Variants in BPIFB3 observed in about 807,000 individuals in gnomAD.
BPIFB3 encodes the protein BPI fold-containing family B member 3.
BPIFB3 carries 49 observed loss-of-function variants against 53.1 expected under a neutral mutation model. The observed-to-expected ratio is 0.92, with a 90% CI of 0.73 to 1.17. The LOEUF is 1.17. BPIFB3 is among the 50% of genes most tolerant of loss of function. The pLI, the probability that BPIFB3 is intolerant of heterozygous loss-of-function variation, is 0.00. For missense variants in BPIFB3, 628 were observed against 592.5 expected, an observed-to-expected ratio of 1.06 and a Z score of -0.62; for synonymous variants, 271 against 269.6, an observed-to-expected ratio of 1.01 and a Z score of -0.05.
chr20:33,066,020 G>A (rs1053950603), intron 8 of BPIFB3, among the ~76,000 whole-genome samples: 2 of 152,230 alleles, frequency 1.3e-5, no homozygotes, highest in Admixed American at 6.5e-5. Context: ...AGGAGCATTG[G>A]GTGTTTGCAT....
intron 1 of BPIFB3, among the ~76,000 whole-genome samples, chr20:33,056,050 C>T (rs1309463248): frequency 6.6e-6 from 1 of 152,206 alleles, no homozygotes. Flanking sequence ...ACAGTCTGCA[C>T]AGAGTCAGGC....
intron 8 of BPIFB3, among the ~76,000 whole-genome samples, chr20:33,066,387 A>G (rs1212713101): frequency 1.3e-5 from 2 of 152,216 alleles, no homozygotes; most frequent in African/African-American, 4.8e-5. Flanking sequence ...GTTTTTGAAA[A>G]TACTATTTGG....
intron 14 of BPIFB3, 124 bp from the exon 16 acceptor site, chr20:33,073,452 T>C: frequency 1.1e-6 from 1 of 924,456 alleles, no homozygotes; most frequent in African/African-American, 1.7e-5. Flanking sequence ...CATTTATTCA[T>C]TTAATGAGTG....
In BPIFB3 at chr20:33,067,490, A is replaced by T. The variant is rs77876434; in HGVS notation, c.978+613A>T. Among the ~76,000 whole-genome samples, 1,244 of 152,296 alleles carry T rather than the reference A, an allele frequency of 8.2e-3. 21 individuals are homozygous for T. The highest frequency in any genetic ancestry group is 0.028 in the African/African-American group (1,155 of 41,554). ...CTCTCACCAGAGAGGATGGAAATGA[A>T]AGCTGGGTTTGGGGGCACAGAGGAC... On this transcript the variant is annotated intron_variant, in intron 9 of 14. Transcript: ENST00000375494.
Position 33,061,662 on chromosome 20 carries a change from A to G in BPIFB3, c.528-106A>G, listed in dbSNP as rs1260323063. The G allele has an allele frequency of 2.7e-6, 3 of 1,116,952 alleles. No individual in the cohort carries two copies. In the African/African-American group the frequency reaches 4.7e-5, roughly 17 times the overall value. The allele number at this position is 1,116,952 out of a possible 1,614,324, so 69.2% of individuals were successfully genotyped here. ...AGCCGCAGTCAACACCACCCCCAAG[A>G]GAAGGGAGAGGAGAAATCCAGAGCC... is the stretch of plus-strand genomic sequence containing the variant. On this transcript the variant is annotated intron_variant, in intron 4 of 14. Transcript: ENST00000375494.
At chr20:33,057,617 G>A (rs1395635319) in intron 2 of BPIFB3, among the ~76,000 whole-genome samples, 1 of 151,990 alleles carries the variant, frequency 6.6e-6, no homozygotes, top group East Asian at 1.9e-4. Context: ...GAACACTCCT[G>A]CTGTGGTCTG....
Position 33,061,757 on chromosome 20 carries a change from C to T in BPIFB3, c.528-11C>T, listed in dbSNP as rs567869879. 27 of 1,613,986 alleles carry T rather than the reference C, an allele frequency of 1.7e-5. No individual in the cohort carries two copies. The highest frequency in any genetic ancestry group is 2.3e-5 in the Non-Finnish European group (27 of 1,179,964). Reference sequence around the variant, plus strand: ...TGGCAGCCGCACCCACATGTGTCTCCCTCTGCTCAGGCTGCTGCCCACACC... The same window carrying T: ...TGGCAGCCGCACCCACATGTGTCTCTCTCTGCTCAGGCTGCTGCCCACACC... On this transcript the variant is annotated splice_polypyrimidine_tract_variant and intron_variant, in intron 4 of 14. Transcript: ENST00000375494.
intron 4 of BPIFB3, 122 bp downstream of exon 5, chr20:33,060,153 G>A: frequency 1.5e-6 from 2 of 1,325,088 alleles, no homozygotes; most frequent in Non-Finnish European, 1.0e-6. Context: ...TCCTACCCCT[G>A]CTTGTCCCGC....
intron 12 of BPIFB3, among the ~76,000 whole-genome samples, 161 bp downstream of exon 13, chr20:33,071,456 C>A (rs950408369): frequency 6.6e-6 from 1 of 151,650 alleles, no homozygotes; most frequent in Non-Finnish European, 1.5e-5. Context: ...GGCGGGTGTG[C>A]GTGAGAGAGA....
upstream of BPIFB3, among the ~76,000 whole-genome samples, chr20:33,055,162 A>G (rs917874889): frequency 4.6e-5 from 7 of 152,188 alleles, no homozygotes; most frequent in Non-Finnish European, 8.8e-5. Flanking sequence ...TTTCGGTCTC[A>G]GTTTTCCCAG....
At chr20:33,060,101 C>G (rs1980389331) in intron 4 of BPIFB3, 70 bp downstream of exon 5, 2 of 1,564,960 alleles carry the variant, frequency 1.3e-6, no homozygotes, top group Middle Eastern at 1.7e-4. Context: ...TGGGCATCTC[C>G]CAGGTCTCCC....
intron 4 of BPIFB3, among the ~76,000 whole-genome samples, chr20:33,061,047 C>T (rs1012095000): frequency 1.3e-5 from 2 of 152,210 alleles, no homozygotes; most frequent in Admixed American, 6.5e-5. Context: ...GTCCACCTTC[C>T]AGGCCCAATC....
intron 8 of BPIFB3, 123 bp downstream of exon 9, chr20:33,064,968 T>C: frequency 9.2e-7 from 1 of 1,088,666 alleles, no homozygotes; most frequent in South Asian, 1.6e-5. Flanking sequence ...TAAAAGGGAG[T>C]TGAACAAGTT....
At chr20:33,066,278 G>T (rs1457167176) in intron 8 of BPIFB3, among the ~76,000 whole-genome samples, 1 of 152,212 alleles carries the variant, frequency 6.6e-6, no homozygotes, top group Non-Finnish European at 1.5e-5. Flanking sequence ...AGGGGAGGGG[G>T]TGCAGGCTCA....
chr20:33,065,370 G>C (rs866135749), intron 8 of BPIFB3, among the ~76,000 whole-genome samples: 3 of 152,022 alleles, frequency 2.0e-5, no homozygotes, highest in African/African-American at 7.3e-5. Flanking sequence ...TATTAGCCAG[G>C]CATGGTGGTG....
chr20:33,060,552 C>G (rs1024919856), intron 4 of BPIFB3, among the ~76,000 whole-genome samples: 11 of 152,070 alleles, frequency 7.2e-5, no homozygotes, highest in Non-Finnish European at 1.0e-4. Flanking sequence ...CTTGTTGAAT[C>G]ATCACTTTTT....
At chr20:33,064,927 G>A in intron 8 of BPIFB3, 82 bp downstream of exon 9, 1 of 1,457,948 alleles carries the variant, frequency 6.9e-7, no homozygotes, top group Non-Finnish European at 9.2e-7. Flanking sequence ...CCTAGGCCCT[G>A]ATCAGCCTTG....
intron 5 of BPIFB3, 57 bp from the exon 7 acceptor site, chr20:33,063,558 C>G (rs1033334071): frequency 1.6e-5 from 25 of 1,573,920 alleles, no homozygotes; most frequent in Middle Eastern, 3.3e-4. Flanking sequence ...AAAGAACATG[C>G]AGCTGTCCTC....
intron 2 of BPIFB3, among the ~76,000 whole-genome samples, chr20:33,058,240 A>G (rs565156002): frequency 6.6e-6 from 1 of 152,294 alleles, no homozygotes; most frequent in East Asian, 1.9e-4. Flanking sequence ...GAGCGGAAAG[A>G]AGGGCTGATG....
Sources: allele counts gnomAD v4.1 joint callset (sites outside exome capture counted in the v4.1 genomes callset), GRCh38; gene constraint gnomAD v4.1.1; transcripts MANE v1.5; gene names NCBI Gene and HGNC (gene_info 2026-07-23, HGNC 2026-07-21).